Variants in CEP63 observed in about 807,000 individuals in gnomAD.
CEP63 encodes the protein centrosomal protein 63.
Under a neutral mutation model 89.1 loss-of-function variants are expected in CEP63, and 84 were observed. The ratio of observed to expected loss-of-function variants is 0.94; its 90% confidence interval spans 0.79 to 1.13. The LOEUF (loss-of-function observed/expected upper bound fraction) is 1.13. Among genes scored for constraint, CEP63 ranks in the 50% most tolerant of loss-of-function variants. The pLI is 0.00. For missense variants in CEP63, 838 were observed against 813.3 expected, an observed-to-expected ratio of 1.03 and a Z score of -0.37; for synonymous variants, 267 against 272.5, an observed-to-expected ratio of 0.98 and a Z score of 0.20.
At chr3:134,724,420 C>A in the CEP63 span, among the ~76,000 whole-genome samples, 2 of 152,202 alleles carry the variant, frequency 1.3e-5, no homozygotes, top group Admixed American at 1.3e-4. Flanking sequence ...AAGGATAAGT[C>A]ATTGCTGGCC....
At chr3:134,514,554 CA>C (rs1247926205) in intron 3 of CEP63, among the ~76,000 whole-genome samples, 1 of 151,518 alleles carries the variant, frequency 6.6e-6, no homozygotes, top group African/African-American at 2.4e-5. Context: ...GAAAAGCAAT[CA>C]AAGAAAAAAA....
At chr3:134,567,425 G>A (rs1957820546), downstream of CEP63, among the ~76,000 whole-genome samples, 1 of 142,256 alleles carries the variant, frequency 7.0e-6, no homozygotes, top group South Asian at 2.4e-4. Context: ...CTTTAAATGG[G>A]TGAATTATAT....
At chr3:134,757,309 G>A in the CEP63 span, among the ~76,000 whole-genome samples, 1 of 152,136 alleles carries the variant, frequency 6.6e-6, no homozygotes, top group Non-Finnish European at 1.5e-5. Flanking sequence ...TGGATAGTGG[G>A]TAGGCAACCA....
the CEP63 span, among the ~76,000 whole-genome samples, chr3:134,713,473 C>G: frequency 6.6e-6 from 1 of 152,170 alleles, no homozygotes; most frequent in African/African-American, 2.4e-5. Context: ...CTTGTGACCC[C>G]GAGGGGAGCT....
intron 11 of CEP63, among the ~76,000 whole-genome samples, chr3:134,570,168 G>T (rs1259197487): frequency 6.6e-6 from 1 of 152,188 alleles, no homozygotes; most frequent in Non-Finnish European, 1.5e-5. Context: ...AAATGCCCTG[G>T]AGATATTTTC....
At chr3:134,775,988 G>A in the CEP63 span, among the ~76,000 whole-genome samples, 1 of 152,144 alleles carries the variant, frequency 6.6e-6, no homozygotes, top group Non-Finnish European at 1.5e-5. Context: ...AAATTGCCAG[G>A]TATTACCAAT....
the CEP63 span, among the ~76,000 whole-genome samples, chr3:134,780,226 T>C: frequency 1.3e-5 from 2 of 152,240 alleles, no homozygotes; most frequent in Non-Finnish European, 2.9e-5. Flanking sequence ...TCTGTTTGAA[T>C]CTTTTGCCCC....
the CEP63 span, among the ~76,000 whole-genome samples, chr3:134,722,400 T>G: frequency 1.3e-5 from 2 of 152,116 alleles, no homozygotes; most frequent in African/African-American, 4.8e-5. Flanking sequence ...GGTAGTGATG[T>G]CTTCTCTTTC....
chr3:134,547,197 T>G, intron 8 of CEP63, 138 bp from the exon 9 acceptor site: 1 of 747,696 alleles, frequency 1.3e-6, no homozygotes, highest in Non-Finnish European at 2.3e-6. Flanking sequence ...TCTCCCAATA[T>G]TCTTTTTATA....
the CEP63 span, among the ~76,000 whole-genome samples, chr3:134,775,924 C>T: frequency 6.6e-6 from 1 of 152,106 alleles, no homozygotes; most frequent in Non-Finnish European, 1.5e-5. Flanking sequence ...GCAGGCACCC[C>T]TCCCGGTCTC....
At chr3:134,617,999 G>A in the CEP63 span, among the ~76,000 whole-genome samples, 1 of 152,104 alleles carries the variant, frequency 6.6e-6, no homozygotes, top group African/African-American at 2.4e-5. Context: ...GTATGCTTGG[G>A]TCTGGGGTAG....
chr3:134,660,054 A>G, the CEP63 span, among the ~76,000 whole-genome samples: 1 of 152,224 alleles, frequency 6.6e-6, no homozygotes, highest in Non-Finnish European at 1.5e-5. Flanking sequence ...AAATGAGGGG[A>G]TGAGGGGGAG....
At chr3:134,621,592 A>G in the CEP63 span, among the ~76,000 whole-genome samples, 15 of 152,338 alleles carry the variant, frequency 9.8e-5, no homozygotes, top group African/African-American at 2.9e-4. Flanking sequence ...CTCAAATATA[A>G]GAGCTTAAAC....
chr3:134,559,084 T>G, intron 13 of CEP63, 66 bp from the exon 14 acceptor site: 1 of 1,564,042 alleles, frequency 6.4e-7, no homozygotes, highest in East Asian at 2.2e-5. Flanking sequence ...ATTTCCTACA[T>G]TTCTGTTGGA....
chr3:134,766,695 A>G, the CEP63 span, among the ~76,000 whole-genome samples: 3 of 152,240 alleles, frequency 2.0e-5, no homozygotes, highest in Non-Finnish European at 4.4e-5. Flanking sequence ...TGTGCAGTCC[A>G]CAACAAGGGC....
the CEP63 span, among the ~76,000 whole-genome samples, chr3:134,612,751 C>CTG: frequency 0.13 from 16,374 of 125,310 alleles, 1,397 homozygotes; most frequent in African/African-American, 0.24. Flanking sequence ...CACGCCGATG[C>CTG]TGTGTGTGTG....
chr3:134,489,189 C>T (rs1442697613), intron 1 of CEP63, among the ~76,000 whole-genome samples: 1 of 151,504 alleles, frequency 6.6e-6, no homozygotes, highest in African/African-American at 2.4e-5. Context: ...AATTCAGTTC[C>T]TAACTTGCAT....
chr3:134,551,872 A>C, intron 11 of CEP63, 54 bp from the exon 12 acceptor site: 1 of 1,174,560 alleles, frequency 8.5e-7, no homozygotes, highest in Non-Finnish European at 1.2e-6. Flanking sequence ...AAATTTTGTA[A>C]GATGCATGTG....
the CEP63 span, among the ~76,000 whole-genome samples, chr3:134,754,570 G>A: frequency 1.6e-4 from 25 of 152,112 alleles, no homozygotes; most frequent in Admixed American, 1.3e-3. Flanking sequence ...TGAGACTCTC[G>A]GCTTCTCCAA....
Sources: gnomAD v4.1 joint callset for allele counts (sites outside exome capture counted in the v4.1 genomes callset) on GRCh38, gnomAD v4.1.1 for gene constraint, MANE v1.5 for transcripts, NCBI Gene and HGNC (gene_info 2026-07-23, HGNC 2026-07-21) for gene names.